KLHL2: variants seen among roughly 807,000 people sequenced by gnomAD.
The protein encoded by KLHL2 is kelch-like protein 2.
A neutral mutation model predicts 75.8 loss-of-function variants in KLHL2; 15 were observed. The observed-to-expected ratio is 0.20, with a 90% confidence interval of 0.13 to 0.30. The LOEUF is 0.30. Ranked by LOEUF, KLHL2 falls within the 10% of genes least tolerant of loss-of-function variation. KLHL2 has a pLI of 1.00. For synonymous variants in KLHL2, 214 were observed against 251.9 expected (o/e 0.85, Z 1.42); for missense variants, 381 against 741.0 (o/e 0.51, Z 5.64).
intron 5 of KLHL2, among the ~76,000 whole-genome samples, chr4:165,283,426 T>C (rs1476393191): frequency 6.6e-6 from 1 of 152,134 alleles, no homozygotes; most frequent in Non-Finnish European, 1.5e-5. Flanking sequence ...CCATTCCAAA[T>C]GGGAGAAATT....
intron 4 of KLHL2, among the ~76,000 whole-genome samples, chr4:165,252,320 C>T (rs1442742236): frequency 6.6e-5 from 10 of 151,474 alleles, no homozygotes; most frequent in African/African-American, 2.2e-4. Context: ...GTTCAGGGTA[C>T]GCCTCTCCAA....
chr4:165,306,217 A>G (rs1745716883), intron 9 of KLHL2, among the ~76,000 whole-genome samples: 1 of 152,220 alleles, frequency 6.6e-6, no homozygotes, highest in South Asian at 2.1e-4. Flanking sequence ...TTAAACTTGG[A>G]TCCATAATTT....
intron 4 of KLHL2, among the ~76,000 whole-genome samples, chr4:165,242,790 C>T (rs528940858): frequency 1.3e-5 from 2 of 152,144 alleles, no homozygotes; most frequent in East Asian, 3.9e-4. Flanking sequence ...AGCTACCACT[C>T]CTGGCCAAGA....
At position 165,238,865 on chromosome 4, in the gene KLHL2, C is replaced by T; in HGVS notation, c.347C>T (p.Thr116Ile). 6.2e-7 allele frequency: 1 copy of T among 1,613,998 alleles called. No homozygotes were observed. Among genetic ancestry groups the T allele is most frequent in the Non-Finnish European group, 8.5e-7 (1 of 1,180,012 alleles). The change falls in exon 4 of 15, where the codon ACT (threonine) becomes ATT (isoleucine). Residue 116 changes from threonine to isoleucine, a missense_variant. By Grantham distance (89) the Thr-to-Ile change is moderately conservative. Coordinates refer to ENST00000226725, the MANE Select transcript of KLHL2 (RefSeq NM_007246.4). ...TLRMLIDYVYTAEIQVTEENV... is the reference protein window; with the variant it reads ...TLRMLIDYVYIAEIQVTEENV... ...AGGATGCTAATTGATTATGTTTACA[C>T]TGCAGAAATTCAGGTTACAGAAGAA...
chr4:165,234,192 G>A (rs375757246), intron 3 of KLHL2, among the ~76,000 whole-genome samples: 14 of 152,348 alleles, frequency 9.2e-5, no homozygotes, highest in Admixed American at 5.9e-4. Context: ...ATCACAGAGA[G>A]TGGCTGGTGG....
rs1410699852 is a variant in KLHL2, at chr4:165,254,068, T to TA, written c.382-9124dup. 2.6e-5 allele frequency among the ~76,000 whole-genome samples: 4 copies of TA among 152,370 alleles called. No homozygotes were observed. The East Asian group carries it at 7.7e-4, about 29-fold the overall frequency. ...TTTCTTTACTCTGTCCACTATGTGT[T>TA]AAAAATACTTGGTGTGGAAGTGTTC... On this transcript the variant is annotated intron_variant, in intron 4 of 14. Coordinates refer to ENST00000226725, the MANE Select transcript of KLHL2 (RefSeq NM_007246.4).
chr4:165,216,819 A>G (rs1479921446), intron 1 of KLHL2, among the ~76,000 whole-genome samples: 1 of 152,224 alleles, frequency 6.6e-6, no homozygotes, highest in Non-Finnish European at 1.5e-5. Flanking sequence ...CTCTCGGTAC[A>G]GAGAACACTT....
chr4:165,290,400 T>A (rs1028795469), intron 5 of KLHL2, among the ~76,000 whole-genome samples: 1 of 152,044 alleles, frequency 6.6e-6, no homozygotes, highest in African/African-American at 2.4e-5. Flanking sequence ...CTCCCAAGAT[T>A]CTGGGATTAC....
rs569055595 is a variant in KLHL2 at position 165,316,973 on chromosome 4, T to C, written c.1610-853T>C. On this transcript the variant is annotated intron_variant, in intron 13 of 14. Transcript: ENST00000226725. The stretch of plus-strand genomic sequence containing the variant: ...AGAGTAGAGATCAAAATTTTAATGG[T>C]CATTATTCTAAGAGACATAAGGTTG... 2.0e-5 allele frequency among the ~76,000 whole-genome samples: 3 copies of C among 152,240 alleles called. No homozygotes were observed. The South Asian group carries it at 6.2e-4, about 32-fold the overall frequency.
chr4:165,256,073 G>T (rs1360847755), intron 4 of KLHL2, among the ~76,000 whole-genome samples: 1 of 152,048 alleles, frequency 6.6e-6, no homozygotes, highest in Non-Finnish European at 1.5e-5. Context: ...AATTTGGCTT[G>T]TCAAACAATG....
chr4:165,227,953 G>A (rs1278834161), intron 2 of KLHL2, among the ~76,000 whole-genome samples: 3 of 151,524 alleles, frequency 2.0e-5, no homozygotes, highest in African/African-American at 4.9e-5. Context: ...GCTGGAGTGC[G>A]GTGGTGCGAT....
intron 9 of KLHL2, among the ~76,000 whole-genome samples, chr4:165,307,334 C>CA (rs904206388): frequency 3.9e-5 from 6 of 151,994 alleles, no homozygotes; most frequent in East Asian, 3.9e-4. Flanking sequence ...AACAAAAAAA[C>CA]AAAAAAACTT....
At chr4:165,259,138 T>G (rs1276327821) in intron 4 of KLHL2, among the ~76,000 whole-genome samples, 2 of 151,968 alleles carry the variant, frequency 1.3e-5, no homozygotes, top group Non-Finnish European at 2.9e-5. Context: ...AGTCTCACTG[T>G]GTCACCCAGG....
chr4:165,285,890 T>G (rs1744052291), intron 5 of KLHL2, among the ~76,000 whole-genome samples: 1 of 152,148 alleles, frequency 6.6e-6, no homozygotes, highest in African/African-American at 2.4e-5. Context: ...GTCCAGCAGG[T>G]GTCTGGAGGA....
chr4:165,299,104 G>T (rs1291338590), intron 7 of KLHL2, among the ~76,000 whole-genome samples: 1 of 152,064 alleles, frequency 6.6e-6, no homozygotes, highest in Non-Finnish European at 1.5e-5. Flanking sequence ...TTTGAAAAAG[G>T]TATCATTAAC....
intron 5 of KLHL2, among the ~76,000 whole-genome samples, chr4:165,280,458 T>C (rs1434432598): frequency 6.6e-6 from 1 of 152,234 alleles, no homozygotes; most frequent in East Asian, 1.9e-4. Context: ...GCTCATGATT[T>C]GAATGCCACC....
Position 165,322,294 on chromosome 4 carries a change from G to C in KLHL2, c.*234G>C. On this transcript the variant is annotated 3_prime_UTR_variant, in exon 15 of 15. Transcript: ENST00000226725. ...TGACTGAATTTTCATAAGAAACTTGGACTGCAGGACTTAATCTGTAGTCTT... is the reference window on the plus strand; with the variant it reads ...TGACTGAATTTTCATAAGAAACTTGCACTGCAGGACTTAATCTGTAGTCTT... 1.9e-6 allele frequency: 1 copy of C among 515,828 alleles called. No individual in the cohort carries two copies. The highest frequency in any genetic ancestry group is 3.2e-5 in the East Asian group (1 of 31,454). The allele number at this position is 515,828 out of a possible 1,614,324, so 32.0% of individuals were successfully genotyped here.
chr4:165,302,018 CCT>C, intron 8 of KLHL2, among the ~76,000 whole-genome samples: 1 of 152,086 alleles, frequency 6.6e-6, no homozygotes, highest in African/African-American at 2.4e-5. Context: ...GAGTAGGACT[CCT>C]ATAGCTGTGT....
At chr4:165,218,705 G>A (rs1737739371) in intron 1 of KLHL2, among the ~76,000 whole-genome samples, 1 of 152,094 alleles carries the variant, frequency 6.6e-6, no homozygotes, top group African/African-American at 2.4e-5. Flanking sequence ...GTAGTGATTG[G>A]TACATGGTTG....
Sources: gnomAD v4.1 joint callset for allele counts (sites outside exome capture counted in the v4.1 genomes callset) on GRCh38, gnomAD v4.1.1 for gene constraint, MANE v1.5 for transcripts, NCBI Gene and HGNC (gene_info 2026-07-23, HGNC 2026-07-21) for gene names.